TTC34: variants seen among roughly 807,000 people sequenced by gnomAD.
TTC34 encodes tetratricopeptide repeat protein 34.
Under a neutral mutation model 40.7 loss-of-function variants are expected in TTC34, and 44 were observed. The ratio of observed to expected loss-of-function variants is 1.08; its 90% confidence interval spans 0.85 to 1.39. TTC34 has a LOEUF of 1.39. Ranked by LOEUF, TTC34 falls within the 40% of genes most tolerant of loss-of-function variation. The pLI, the probability that TTC34 is intolerant of heterozygous loss-of-function variation, is 0.00. For missense variants in TTC34, 884 were observed against 838.0 expected (o/e 1.05, Z -0.68); for synonymous variants, 422 against 398.6 (o/e 1.06, Z -0.70).
intron 6 of TTC34, among the ~76,000 whole-genome samples, chr1:2,768,030 A>C (rs953332123): frequency 1.3e-5 from 2 of 151,346 alleles, no homozygotes; most frequent in Non-Finnish European, 2.9e-5. Context: ...GACAGCATAA[A>C]ACAGCACCCC....
chr1:2,643,120 G>C (rs977205553), intron 8 of TTC34, among the ~76,000 whole-genome samples: 2 of 152,194 alleles, frequency 1.3e-5, no homozygotes, highest in African/African-American at 4.8e-5. Context: ...CGGACCCCGG[G>C]AGCCCCCAGG....
At chr1:2,761,265 T>A (rs1174942918) in intron 6 of TTC34, among the ~76,000 whole-genome samples, 2 of 17,660 alleles carry the variant, frequency 1.1e-4, no homozygotes, top group Non-Finnish European at 1.8e-4. Context: ...CATCCGACAG[T>A]CTGGGGCAGC....
At chr1:2,779,023 C>G (rs947629052) in intron 6 of TTC34, among the ~76,000 whole-genome samples, 2 of 152,128 alleles carry the variant, frequency 1.3e-5, no homozygotes, top group African/African-American at 4.8e-5. Context: ...CAGTGTTTGT[C>G]CTTTTGTGGT....
intron 6 of TTC34, among the ~76,000 whole-genome samples, chr1:2,752,897 C>A (rs1187404295): frequency 3.2e-4 from 45 of 140,964 alleles, no homozygotes; most frequent in African/African-American, 7.3e-4. Context: ...ACCCACACCC[C>A]CAGGTGAGCA....
chr1:2,656,210 C>G (rs1570763203), intron 6 of TTC34, among the ~76,000 whole-genome samples: 10 of 144,782 alleles, frequency 6.9e-5, no homozygotes, highest in African/African-American at 2.4e-4. Context: ...GAACAGCACC[C>G]TGCACACCCA....
In TTC34 at chr1:2,773,050, A is replaced by G. The variant is rs1569843774; in HGVS notation, c.2226+10559T>C. ...CGAGCATCTGACAGCCTGGAGCAGC[A>G]CGCACACCCCCAGGTGAGCCTCTGA... On this transcript the variant is annotated intron_variant, in intron 6 of 8. Coordinates refer to ENST00000401095, the Ensembl canonical transcript of TTC34. Among the ~76,000 whole-genome samples the G allele has an allele frequency of 4.7e-4, 60 of 128,432 alleles. 1 individual carries two copies. The highest frequency in any genetic ancestry group is 4.8e-3 in the Middle Eastern group (1 of 208). 84.3% of individuals were successfully genotyped at this position (128,432 alleles called of 152,430 possible). A position where few individuals can be genotyped will look rare whatever the true frequency, so the allele number is the denominator to read the frequency against.
intron 6 of TTC34, among the ~76,000 whole-genome samples, chr1:2,690,259 C>CAT (rs1640556771): frequency 1.5e-5 from 1 of 67,486 alleles, no homozygotes; most frequent in Non-Finnish European, 3.5e-5. Context: ...GCACCCTGCA[C>CAT]ACCCAGGTGA....
chr1:2,783,564 C>T (rs1375306752), intron 6 of TTC34, 45 bp downstream of exon 6: 6 of 1,328,034 alleles, frequency 4.5e-6, no homozygotes, highest in Middle Eastern at 2.1e-4. Flanking sequence ...TCCCTGGGTC[C>T]CCCACCCGTG....
At position 2,752,052 on chromosome 1, in the gene TTC34, C is replaced by T. The variant is rs1304230641; in HGVS notation, c.2226+31557G>A. On this transcript the variant is annotated intron_variant, in intron 6 of 8. Transcript: ENST00000401095. Reference sequence around the variant, plus strand: ...ACAGCGTGGAGCAGCACCGACACCCCCAGGCGAACATCTGAACGCACGGAG... The same window carrying T: ...ACAGCGTGGAGCAGCACCGACACCCTCAGGCGAACATCTGAACGCACGGAG... Among the ~76,000 whole-genome samples, 585 of 109,276 alleles carry T rather than the reference C, an allele frequency of 5.4e-3. 180 individuals carry two copies. The highest frequency in any genetic ancestry group is 0.024 in the African/African-American group (566 of 23,532). The allele number at this position is 109,276 out of a possible 152,430, so 71.7% of individuals were successfully genotyped here.
chr1:2,756,676 AGCAGCTG>A (rs1641517390), intron 6 of TTC34, among the ~76,000 whole-genome samples: 1 of 1,650 alleles, frequency 6.1e-4, no homozygotes, highest in African/African-American at 2.3e-3. Context: ...CCCCCAGGTG[AGCAGCTG>A]AAATCCTGGA....
In TTC34 at chr1:2,688,290, C is replaced by T. The variant is rs536665799; in HGVS notation, c.2227-42727G>A. 3.3e-3 allele frequency among the ~76,000 whole-genome samples: 484 copies of T among 148,714 alleles called. 1 individual carries two copies. Among genetic ancestry groups the T allele is most frequent in the African/African-American group, 0.012 (461 of 38,568 alleles). ...GACAGCCTGGATCAGCACCCACACTCCCAGGCGAGCATCTGACAGCCTGGA... is the reference window on the plus strand; with the variant it reads ...GACAGCCTGGATCAGCACCCACACTTCCAGGCGAGCATCTGACAGCCTGGA... On this transcript the variant is annotated intron_variant, in intron 6 of 8. Transcript: ENST00000401095.
At chr1:2,759,408 G>A (rs1641616262) in intron 6 of TTC34, among the ~76,000 whole-genome samples, 1 of 106,902 alleles carries the variant, frequency 9.4e-6, no homozygotes. Context: ...CCCCAGGTGG[G>A]CATGTGACAG....
chr1:2,646,600 G>A (rs952470384), intron 6 of TTC34, among the ~76,000 whole-genome samples: 1 of 152,140 alleles, frequency 6.6e-6, no homozygotes, highest in Non-Finnish European at 1.5e-5. Flanking sequence ...TGCCCAGGCT[G>A]GTATGGAACT....
At chr1:2,756,994 T>A (rs1641528387) in intron 6 of TTC34, among the ~76,000 whole-genome samples, 31 of 148,214 alleles carry the variant, frequency 2.1e-4, no homozygotes, top group African/African-American at 7.3e-4. Flanking sequence ...CACGCCCAGG[T>A]GAGCCTCTGA....
At chr1:2,692,552 C>A (rs569438625) in intron 6 of TTC34, among the ~76,000 whole-genome samples, 1 of 87,434 alleles carries the variant, frequency 1.1e-5, no homozygotes, top group African/African-American at 4.5e-5. Flanking sequence ...CACCCCCAGG[C>A]GAGCATCGGA....
In TTC34 at chr1:2,644,941, C is replaced by T. The variant is rs141233513; in HGVS notation, c.2497+352G>A. Among the ~76,000 whole-genome samples the T allele has an allele frequency of 2.3e-3, 346 of 152,316 alleles. 1 individual carries two copies. The highest frequency in any genetic ancestry group is 8.0e-3 in the African/African-American group (331 of 41,564). On this transcript the variant is annotated intron_variant, in intron 7 of 8. Coordinates refer to ENST00000401095, the Ensembl canonical transcript of TTC34. ...CGGCCCATGGGGCTTCTGACAGTTC[C>T]TCCTGGAACAGGGCCTGCCATCCCG...
In TTC34 at chr1:2,754,301, C is replaced by A. The variant is rs1268860780; in HGVS notation, c.2226+29308G>T. 4.2e-5 allele frequency among the ~76,000 whole-genome samples: 2 copies of A among 47,692 alleles called. 1 individual carries two copies. The highest frequency in any genetic ancestry group is 1.0e-3 in the East Asian group (2 of 1,912). The allele number at this position is 47,692 out of a possible 152,430, so 31.3% of individuals were successfully genotyped here. A position where few individuals can be genotyped will look rare whatever the true frequency, so the allele number is the denominator to read the frequency against. On this transcript the variant is annotated intron_variant, in intron 6 of 8. Transcript: ENST00000401095. The stretch of plus-strand genomic sequence containing the variant: ...CAGCCTGGAACAGCACGCACACCCC[C>A]AGGTGAGCATGTGACAGCCGGGAAC...
At chr1:2,687,888 C>T (rs1248526423) in intron 6 of TTC34, among the ~76,000 whole-genome samples, 5 of 98,176 alleles carry the variant, frequency 5.1e-5, no homozygotes, top group Admixed American at 1.1e-4. Context: ...AACCCACATC[C>T]CCAGGTGAGC....
At chr1:2,779,802 G>A (rs548597517) in intron 6 of TTC34, among the ~76,000 whole-genome samples, 3 of 152,094 alleles carry the variant, frequency 2.0e-5, no homozygotes, top group Non-Finnish European at 2.9e-5. Flanking sequence ...GGCATATCTC[G>A]TTGTTTTGAT....
Sources: allele counts gnomAD v4.1 joint callset (sites outside exome capture counted in the v4.1 genomes callset), GRCh38; gene constraint gnomAD v4.1.1; transcripts MANE v1.5; gene names NCBI Gene and HGNC (gene_info 2026-07-23, HGNC 2026-07-21).